Variants in GALNT13 observed in about 807,000 individuals in gnomAD.
GALNT13 encodes the protein polypeptide N-acetylgalactosaminyltransferase 13, also known as UDP-GalNAc:polypeptide N-acetylgalactosaminyltransferase 13.
Under a neutral mutation model 64.2 loss-of-function variants are expected in GALNT13, and 28 were observed. The ratio of observed to expected loss-of-function variants is 0.44; its 90% confidence interval spans 0.32 to 0.60. The LOEUF (loss-of-function observed/expected upper bound fraction) is 0.60. Ranked by LOEUF, GALNT13 falls within the 20% of genes least tolerant of loss-of-function variation. The probability of loss-of-function intolerance (pLI) is 0.05; values close to 1 mark genes in which losing one functional copy is unlikely to be tolerated. For missense variants in GALNT13, 577 were observed against 669.8 expected (o/e 0.86, Z 1.53); for synonymous variants, 214 against 224.6 (o/e 0.95, Z 0.42).
At chr2:154,377,632 C>T (rs543939110) in intron 9 of GALNT13, among the ~76,000 whole-genome samples, 87 of 152,138 alleles carry the variant, frequency 5.7e-4, no homozygotes, top group Non-Finnish European at 1.0e-3. Context: ...GTTACATTGG[C>T]GTAGTTAATC....
intron 3 of GALNT13, among the ~76,000 whole-genome samples, chr2:154,078,775 G>A (rs1446491044): frequency 6.6e-6 from 1 of 151,528 alleles, no homozygotes; most frequent in Non-Finnish European, 1.5e-5. Flanking sequence ...TATTCACACA[G>A]AAAGGTGGTA....
chr2:153,398,839 G>A, the GALNT13 span, among the ~76,000 whole-genome samples: 1,463 of 137,912 alleles, frequency 0.011, 14 homozygotes, highest in South Asian at 0.03. Context: ...TGTCAGATGA[G>A]TAGGTTGTGA....
chr2:153,391,986 CAT>C, the GALNT13 span, among the ~76,000 whole-genome samples: 4 of 148,602 alleles, frequency 2.7e-5, no homozygotes, highest in Non-Finnish European at 5.9e-5. Flanking sequence ...AAACATTAAA[CAT>C]AATTACATTA....
At chr2:153,501,193 A>T in the GALNT13 span, among the ~76,000 whole-genome samples, 1 of 152,234 alleles carries the variant, frequency 6.6e-6, no homozygotes, top group African/African-American at 2.4e-5. Flanking sequence ...AGCCAAAATG[A>T]TGACTCAAAA....
the GALNT13 span, among the ~76,000 whole-genome samples, chr2:153,512,684 A>G: frequency 6.6e-6 from 1 of 152,216 alleles, no homozygotes; most frequent in Non-Finnish European, 1.5e-5. Context: ...CACCCGGCAC[A>G]TATTAAGAGT....
intron 9 of GALNT13, among the ~76,000 whole-genome samples, chr2:154,302,345 G>T (rs1693490365): frequency 6.6e-6 from 1 of 151,958 alleles, no homozygotes; most frequent in Non-Finnish European, 1.5e-5. Flanking sequence ...GATACAAAAG[G>T]ACTGTTTTTA....
intron 3 of GALNT13, among the ~76,000 whole-genome samples, chr2:153,947,833 T>C (rs1175834153): frequency 1.3e-5 from 2 of 152,140 alleles, no homozygotes; most frequent in African/African-American, 2.4e-5. Flanking sequence ...TTCAAGTCTT[T>C]AATCCATCTT....
At chr2:153,172,527 C>A in the GALNT13 span, among the ~76,000 whole-genome samples, 2 of 152,016 alleles carry the variant, frequency 1.3e-5, no homozygotes, top group African/African-American at 2.4e-5. Flanking sequence ...GGCCAGTAGA[C>A]AATACCACTA....
At chr2:153,146,749 C>G in the GALNT13 span, among the ~76,000 whole-genome samples, 81 of 152,002 alleles carry the variant, frequency 5.3e-4, no homozygotes, top group Non-Finnish European at 9.1e-4. Context: ...GAGAAAGATA[C>G]TTGAGCCTAG....
chr2:154,254,103 G>C (rs969696495), intron 7 of GALNT13, among the ~76,000 whole-genome samples: 1 of 152,054 alleles, frequency 6.6e-6, no homozygotes, highest in Non-Finnish European at 1.5e-5. Flanking sequence ...ATTTGTATTA[G>C]ACTAAGAATA....
At chr2:154,210,755 AAACC>A (rs1687712907) in intron 4 of GALNT13, among the ~76,000 whole-genome samples, 2 of 152,190 alleles carry the variant, frequency 1.3e-5, no homozygotes, top group Admixed American at 1.3e-4. Context: ...GGTGGCAGAT[AAACC>A]ATTTAGGAGA....
the GALNT13 span, among the ~76,000 whole-genome samples, chr2:153,731,666 C>G: frequency 3.3e-5 from 5 of 151,910 alleles, no homozygotes; most frequent in Admixed American, 1.3e-4. Context: ...ATTAAATATA[C>G]TTTTTAGATA....
the GALNT13 span, among the ~76,000 whole-genome samples, chr2:153,599,748 C>T: frequency 3.3e-5 from 5 of 152,096 alleles, no homozygotes; most frequent in African/African-American, 1.2e-4. Context: ...ATAGTATTTA[C>T]ATTATTGTGA....
chr2:153,351,559 T>A, the GALNT13 span, among the ~76,000 whole-genome samples: 2 of 138,858 alleles, frequency 1.4e-5, no homozygotes, highest in South Asian at 4.3e-4. Flanking sequence ...ACAAATCCAT[T>A]CTTTTAGAAT....
the GALNT13 span, among the ~76,000 whole-genome samples, chr2:153,235,061 C>T: frequency 6.6e-6 from 1 of 152,062 alleles, no homozygotes; most frequent in Admixed American, 6.5e-5. Context: ...CTTGGAGCAC[C>T]ATGAGCTGGA....
At chr2:154,402,518 A>G (rs898048830) in intron 10 of GALNT13, among the ~76,000 whole-genome samples, 1 of 152,260 alleles carries the variant, frequency 6.6e-6, no homozygotes, top group Non-Finnish European at 1.5e-5. Context: ...CTCAAAGCAG[A>G]CAGCCAATTA....
the GALNT13 span, among the ~76,000 whole-genome samples, chr2:153,571,088 A>G: frequency 6.6e-6 from 1 of 151,978 alleles, no homozygotes; most frequent in Non-Finnish European, 1.5e-5. Flanking sequence ...CCAGTTCATG[A>G]ACGTAGAATA....
the GALNT13 span, among the ~76,000 whole-genome samples, chr2:153,822,080 T>C: frequency 8.0e-4 from 122 of 151,910 alleles, no homozygotes; most frequent in Non-Finnish European, 2.5e-4. Flanking sequence ...CAAAATAGAA[T>C]CAGTAACAAA....
At chr2:153,631,573 A>G in the GALNT13 span, among the ~76,000 whole-genome samples, 1 of 152,084 alleles carries the variant, frequency 6.6e-6, no homozygotes, top group South Asian at 2.1e-4. Context: ...GATGATGAGC[A>G]TTTTTTCATG....
Sources: gnomAD v4.1 joint callset for allele counts (sites outside exome capture counted in the v4.1 genomes callset) on GRCh38, gnomAD v4.1.1 for gene constraint, MANE v1.5 for transcripts, NCBI Gene and HGNC (gene_info 2026-07-23, HGNC 2026-07-21) for gene names.